Variants in FRY observed in about 807,000 individuals in gnomAD.
FRY encodes the protein protein furry homolog.
In FRY, 128 loss-of-function variants were observed where a neutral mutation model predicts 348.4. That is an observed-to-expected ratio of 0.37 (90% confidence interval 0.32 to 0.43). The LOEUF (loss-of-function observed/expected upper bound fraction) is 0.43. FRY is among the 20% of genes least tolerant of loss of function. The probability of loss-of-function intolerance (pLI) is 1.00; values close to 1 mark genes in which losing one functional copy is unlikely to be tolerated. For synonymous variants in FRY, 1,370 were observed against 1,374.7 expected (o/e 1.00, Z 0.08); for missense variants, 2,736 against 3,695.2 (o/e 0.74, Z 6.73).
Position 32,215,882 on chromosome 13 carries a change from A to G in FRY, c.4683-2867A>G, listed in dbSNP as rs1884962514. 2.0e-5 allele frequency among the ~76,000 whole-genome samples: 3 copies of G among 152,206 alleles called. No homozygotes were observed. The South Asian group carries it at 6.2e-4, about 31-fold the overall frequency. ...ACTGCATCCAGCCATAAGTATTTTC[A>G]ATATATCAATCTTAATAAAAGATTT... On this transcript the variant is annotated intron_variant, in intron 35 of 60. Coordinates refer to ENST00000542859, the MANE Select transcript of FRY (RefSeq NM_023037.3).
Position 32,078,828 on chromosome 13 carries a change from T to G in FRY, c.71-6T>G, listed in dbSNP as rs1875280630. 2.5e-6 allele frequency: 4 copies of G among 1,612,182 alleles called. No individual in the cohort carries two copies. Among genetic ancestry groups the G allele is most frequent in the Admixed American group, 1.7e-5 (1 of 60,012 alleles). On this transcript the variant is annotated splice_polypyrimidine_tract_variant and splice_region_variant and intron_variant, in intron 1 of 60. Transcript: ENST00000542859. ...AGCCAGTAAGAATGCCCATTCTGTT[T>G]TTCAGCTTCTCCCGTTGGCAACGGT...
intron 46 of FRY, among the ~76,000 whole-genome samples, chr13:32,243,597 G>A (rs1206826735): frequency 2.0e-5 from 3 of 152,132 alleles, no homozygotes; most frequent in Admixed American, 2.0e-4. Flanking sequence ...ATCTTTGCCA[G>A]TTTGATAACT....
intron 1 of FRY, among the ~76,000 whole-genome samples, chr13:32,077,921 C>T (rs1875196666): frequency 6.6e-6 from 1 of 152,148 alleles, no homozygotes; most frequent in Admixed American, 6.5e-5. Context: ...TGCCTCTATC[C>T]CAAGCCCACT....
rs1883752789 is a variant in FRY at position 32,197,617 on chromosome 13, T to G, written c.3746+3320T>G. 2.0e-5 allele frequency among the ~76,000 whole-genome samples: 3 copies of G among 152,228 alleles called. No individual in the cohort carries two copies. In the South Asian group the frequency reaches 6.2e-4, roughly 31 times the overall value. ...CTGATGATAGGGTTAGAGTAATGAT[T>G]AAACAAAAACAACCTCTTGGCCTAA... On this transcript the variant is annotated intron_variant, in intron 29 of 60. Transcript: ENST00000542859.
At chr13:32,069,602 C>A (rs1008764556) in intron 1 of FRY, among the ~76,000 whole-genome samples, 1 of 152,144 alleles carries the variant, frequency 6.6e-6, no homozygotes, top group African/African-American at 2.4e-5. Context: ...GAATATTATT[C>A]AGCCTTAACA....
intron 47 of FRY, among the ~76,000 whole-genome samples, chr13:32,244,496 C>T (rs1451202140): frequency 1.3e-5 from 2 of 152,140 alleles, no homozygotes; most frequent in African/African-American, 4.8e-5. Flanking sequence ...TTTTTTATCC[C>T]GTTTCAGAGA....
At position 32,078,959 on chromosome 13, in the gene FRY, G is replaced by C. The variant is rs1296906777; in HGVS notation, c.196G>C (p.Val66Leu). 1 of 1,613,732 alleles carries C rather than the reference G, an allele frequency of 6.2e-7. No individual in the cohort carries two copies. Among genetic ancestry groups the C allele is most frequent in the African/African-American group, 1.3e-5 (1 of 74,892 alleles). The change falls in exon 2 of 61, where the codon GTC becomes CTC. Residue 66 changes from valine (V) to leucine (L), a missense_variant. Transcript: ENST00000542859. ...CCCAGACAGTAAACCAGGAGAATAT[G>C]TCCTCAAAAGTTTATTTGTCAACTT... ...VDPDSKPGEY[V>L]LKSLFVNFTT... is the part of the protein sequence containing the mutation.
intron 1 of FRY, among the ~76,000 whole-genome samples, chr13:32,035,588 C>T (rs1377755222): frequency 6.6e-6 from 1 of 152,154 alleles, no homozygotes; most frequent in African/African-American, 2.4e-5. Context: ...CTCTAAAGGG[C>T]GTCCTTGTGT....
chr13:32,249,795 A>G (rs929575926), intron 49 of FRY, 108 bp downstream of exon 49: 2 of 935,096 alleles, frequency 2.1e-6, no homozygotes, highest in East Asian at 5.2e-5. Flanking sequence ...TTGCCCATAT[A>G]GGTCTCAGCA....
rs1184838155 is a variant in FRY at position 32,031,779 on chromosome 13, C to G, written c.-17C>G. 1 of 1,578,874 alleles carries G rather than the reference C, an allele frequency of 6.3e-7. No individual in the cohort carries two copies. Among genetic ancestry groups the G allele is most frequent in the Non-Finnish European group, 8.7e-7 (1 of 1,149,802 alleles). ...CGGCCGCTGCCCGTCCTCCCAGCCT[C>G]TTTGTATGCCGCAGACATGGCCAGC... On this transcript the variant is annotated 5_prime_UTR_variant, in exon 1 of 61. Transcript: ENST00000542859.
Position 32,265,607 on chromosome 13 carries a change from C to T in FRY, c.7937C>T (p.Thr2646Ile), listed in dbSNP as rs749843088. The T allele has an allele frequency of 1.9e-6, 3 of 1,613,992 alleles. No individual in the cohort carries two copies. The highest frequency in any genetic ancestry group is 1.7e-4 in the Middle Eastern group (1 of 6,056). ...EKGNRALDQF[T>I]LASFGEGDRG... is the part of the protein sequence containing the mutation. Reference sequence around the variant, plus strand: ...GGCAATCGGGCACTGGACCAGTTTACCCTGGCGAGGTAATGGAGCCCTTGG... The same window carrying T: ...GGCAATCGGGCACTGGACCAGTTTATCCTGGCGAGGTAATGGAGCCCTTGG... The change falls in exon 54 of 61, where the codon ACC (threonine) becomes ATC (isoleucine). Residue 2646 changes from threonine to isoleucine, a missense_variant. By Grantham distance (89) the Thr-to-Ile change is moderately conservative. This residue lies in a region of FRY where 789 missense variants were observed against 996.2 expected (regional missense o/e 0.79). Coordinates refer to ENST00000542859, the MANE Select transcript of FRY (RefSeq NM_023037.3).
intron 7 of FRY, among the ~76,000 whole-genome samples, chr13:32,129,132 G>A (rs926152237): frequency 2.0e-5 from 3 of 152,172 alleles, no homozygotes; most frequent in Non-Finnish European, 2.9e-5. Flanking sequence ...AAGGGGAGAC[G>A]AGTACAGAGA....
At chr13:32,122,656 T>A (rs1046235709) in intron 4 of FRY, among the ~76,000 whole-genome samples, 1 of 152,154 alleles carries the variant, frequency 6.6e-6, no homozygotes, top group Non-Finnish European at 1.5e-5. Flanking sequence ...TCAGCACTCT[T>A]CTTTAACATA....
chr13:32,212,613 T>C (rs185405011), intron 35 of FRY, among the ~76,000 whole-genome samples: 2 of 152,252 alleles, frequency 1.3e-5, no homozygotes, highest in East Asian at 3.9e-4. Context: ...GTTGTTCTGG[T>C]GGTGGTGGAA....
intron 3 of FRY, among the ~76,000 whole-genome samples, chr13:32,111,787 C>A (rs777137740): frequency 2.6e-5 from 4 of 152,126 alleles, no homozygotes; most frequent in Non-Finnish European, 5.9e-5. Flanking sequence ...GGTTGAGGAT[C>A]CTGAGTTAAT....
rs201514358 is a variant in FRY at position 32,267,376 on chromosome 13, A to G, written c.8136+17A>G. 6.2e-6 allele frequency: 10 copies of G among 1,608,638 alleles called. No homozygotes were observed. On this transcript the variant is annotated intron_variant, in intron 55 of 60. Transcript: ENST00000542859. ...TTGTTTAAGGTATGTGTGCTCACTG[A>G]AAGTGCAGAGGACTTAGTTTCTAAG...
At chr13:32,067,823 T>C (rs1170178554) in intron 1 of FRY, among the ~76,000 whole-genome samples, 1 of 152,190 alleles carries the variant, frequency 6.6e-6, no homozygotes, top group Non-Finnish European at 1.5e-5. Flanking sequence ...CCACTATATT[T>C]TACCTACAAA....
Position 32,274,573 on chromosome 13 carries a change from A to C in FRY, c.8137-269A>C, listed in dbSNP as rs9534029. Among the ~76,000 whole-genome samples the C allele has an allele frequency of 1.4e-3, 217 of 150,898 alleles. 3 individuals are homozygous for C. The highest frequency in any genetic ancestry group is 4.9e-3 in the African/African-American group (200 of 40,964). On this transcript the variant is annotated intron_variant, in intron 55 of 60. Coordinates refer to ENST00000542859, the MANE Select transcript of FRY (RefSeq NM_023037.3). ...CAAAAAATTAGCCAGGCGTGGTGGC[A>C]GGCACCTGTAGTCCCAGCTACTCGG...
chr13:32,254,361 C>T lies in FRY; in HGVS notation c.7383C>T (p.Phe2461=), dbSNP rs779352349. 10 of 1,613,914 alleles carry T rather than the reference C, an allele frequency of 6.2e-6. No homozygotes were observed. In the East Asian group the frequency reaches 6.7e-5, roughly 11 times the overall value. ...SEQQFRVFRD[F]DFLDVELEDG... is the part of the protein sequence containing the mutation. ...AGCAGTTTAGAGTCTTCAGAGACTT[C>T]GACTTCCTAGATGTGGAGCTGGAGG... Residue 2461 remains phenylalanine (F), a synonymous_variant, in exon 51 of 61, where the codon TTC becomes TTT. Coordinates refer to ENST00000542859, the MANE Select transcript of FRY (RefSeq NM_023037.3).
Sources: allele counts gnomAD v4.1 joint callset (sites outside exome capture counted in the v4.1 genomes callset), GRCh38; gene constraint gnomAD v4.1.1; regional missense constraint gnomAD v4.1.1; transcripts MANE v1.5; gene names NCBI Gene and HGNC (gene_info 2026-07-23, HGNC 2026-07-21).